The following MAST2 variants were observed in gnomAD, a reference collection of about 807,000 sequenced individuals.
MAST2 encodes microtubule associated serine/threonine kinase 2, also known as microtubule-associated serine/threonine-protein kinase 2.
MAST2 carries 70 observed loss-of-function variants against 147.4 expected under a neutral mutation model. That is an observed-to-expected ratio of 0.47 (90% CI 0.39 to 0.58). The LOEUF (loss-of-function observed/expected upper bound fraction) is 0.58, where lower values mean the gene tolerates loss of function less well. MAST2 is among the 20% of genes least tolerant of loss of function. MAST2 has a pLI of 0.00. For synonymous variants in MAST2, 869 were observed against 896.8 expected, an observed-to-expected ratio of 0.97 and a Z score of 0.55; for missense variants, 2,080 against 2,302.3, an observed-to-expected ratio of 0.90 and a Z score of 1.98.
At chr1:45,961,479 A>T (rs969466701) in intron 5 of MAST2, among the ~76,000 whole-genome samples, 2 of 152,214 alleles carry the variant, frequency 1.3e-5, no homozygotes, top group Admixed American at 1.3e-4. Flanking sequence ...TTTAGAACTA[A>T]ATCTTCCTAC....
chr1:45,934,027 A>G (rs1485458372), intron 4 of MAST2, among the ~76,000 whole-genome samples: 1 of 152,076 alleles, frequency 6.6e-6, no homozygotes, highest in Non-Finnish European at 1.5e-5. Context: ...CATGTAATGA[A>G]CGTAGTGCCC....
chr1:45,915,082 C>CA (rs1652263257), intron 4 of MAST2, among the ~76,000 whole-genome samples: 1 of 152,116 alleles, frequency 6.6e-6, no homozygotes, highest in Admixed American at 6.5e-5. Flanking sequence ...AGGCATGCAC[C>CA]ACCAAGCCTG....
rs78509164 is a variant in MAST2 at position 45,856,140 on chromosome 1, A to C, written c.469-26224A>C. Among the ~76,000 whole-genome samples, 444 of 152,296 alleles carry C rather than the reference A, an allele frequency of 2.9e-3. 2 individuals are homozygous for C. Among genetic ancestry groups the C allele is most frequent in the East Asian group, 0.02 (105 of 5,182 alleles). ...TTGAAGAAGACAGTTCTGAAGATACAGGGCTTGGTACACAGCAAACTTGTA... is the reference window on the plus strand; with the variant it reads ...TTGAAGAAGACAGTTCTGAAGATACCGGGCTTGGTACACAGCAAACTTGTA... On this transcript the variant is annotated intron_variant, in intron 3 of 28. Transcript: ENST00000361297.
chr1:45,869,731 AAC>A (rs1479412540), intron 3 of MAST2, among the ~76,000 whole-genome samples: 3 of 152,250 alleles, frequency 2.0e-5, no homozygotes, highest in Admixed American at 6.5e-5. Flanking sequence ...TACAAAAAAT[AAC>A]AGTGTCTTTT....
At chr1:45,828,313 G>A (rs1644853076) in intron 2 of MAST2, among the ~76,000 whole-genome samples, 1 of 152,118 alleles carries the variant, frequency 6.6e-6, no homozygotes, top group Admixed American at 6.6e-5. Context: ...ATTTTACCAG[G>A]CACAGAAAGG....
intron 3 of MAST2, among the ~76,000 whole-genome samples, chr1:45,853,664 T>C (rs1393869525): frequency 1.3e-5 from 2 of 152,188 alleles, no homozygotes; most frequent in Non-Finnish European, 2.9e-5. Context: ...TAAAATTGTT[T>C]TTCTGTTTCT....
intron 8 of MAST2, 165 bp downstream of exon 8, chr1:46,006,560 G>A: frequency 4.2e-6 from 2 of 475,256 alleles, no homozygotes; most frequent in Non-Finnish European, 6.8e-6. Context: ...GTTGTAGTAT[G>A]AAAGTATCCA....
intron 9 of MAST2, among the ~76,000 whole-genome samples, chr1:46,009,195 CA>C (rs1185350814): frequency 6.6e-6 from 1 of 152,200 alleles, no homozygotes; most frequent in Non-Finnish European, 1.5e-5. Flanking sequence ...GCTGGGACTA[CA>C]GGCATGCGCC....
At chr1:45,923,552 C>T (rs1350216012) in intron 4 of MAST2, among the ~76,000 whole-genome samples, 2 of 152,058 alleles carry the variant, frequency 1.3e-5, no homozygotes, top group Non-Finnish European at 2.9e-5. Flanking sequence ...ACACAGGAAG[C>T]GAGGGTGCAG....
chr1:45,974,761 T>A (rs1644065790), intron 5 of MAST2, among the ~76,000 whole-genome samples: 1 of 152,218 alleles, frequency 6.6e-6, no homozygotes, highest in Non-Finnish European at 1.5e-5. Flanking sequence ...TTAGTGATCA[T>A]ACACATAAAG....
intron 4 of MAST2, among the ~76,000 whole-genome samples, chr1:45,920,022 T>C (rs548907301): frequency 1.9e-4 from 29 of 152,274 alleles, no homozygotes; most frequent in African/African-American, 7.0e-4. Flanking sequence ...CTTTCAGGCT[T>C]TGTTTGGTGA....
chr1:46,024,217 A>ACGGC, intron 15 of MAST2: 1 of 511,456 alleles, frequency 2.0e-6, no homozygotes. Flanking sequence ...CAGCAGCTAT[A>ACGGC]GAATCTTGCA....
chr1:45,970,356 AG>A (rs1445504011), intron 5 of MAST2, among the ~76,000 whole-genome samples: 2 of 152,000 alleles, frequency 1.3e-5, no homozygotes, highest in Admixed American at 1.3e-4. Flanking sequence ...GTTGCTATGG[AG>A]GTTTCTGCTT....
chr1:45,928,630 G>C (rs1464085812), intron 4 of MAST2, among the ~76,000 whole-genome samples: 1 of 148,890 alleles, frequency 6.7e-6, no homozygotes, highest in Non-Finnish European at 1.5e-5. Flanking sequence ...TGCCCAGGCT[G>C]GAGTGCAGTG....
chr1:45,913,788 C>A, intron 4 of MAST2: 1 of 1,128,564 alleles, frequency 8.9e-7, no homozygotes, highest in African/African-American at 1.7e-5. Flanking sequence ...GAACTTCCTA[C>A]CAAGACTCCA....
chr1:45,928,603 ACAGAGT>A (rs1279057809), intron 4 of MAST2, among the ~76,000 whole-genome samples: 1 of 147,964 alleles, frequency 6.8e-6, no homozygotes, highest in African/African-American at 2.5e-5. Context: ...TCCTTTTGAG[ACAGAGT>A]CTCTCTCTAT....
rs869216588 is a variant in MAST2, at chr1:45,994,274, CTT to C, written c.593-3426_593-3425del. On this transcript the variant is annotated intron_variant, in intron 5 of 28. Coordinates refer to ENST00000361297, the MANE Select transcript of MAST2 (RefSeq NM_015112.3). ...GCAAGTGGCTCAAAGCCCTAACCCT[CTT>C]TTTTTTTTTTTTTTTTTTTTTTTGA... 5.5e-3 allele frequency among the ~76,000 whole-genome samples: 340 copies of C among 62,008 alleles called. 2 individuals are homozygous for C. Among genetic ancestry groups the C allele is most frequent in the African/African-American group, 0.017 (248 of 14,226 alleles). 40.7% of individuals were successfully genotyped at this position (62,008 alleles called of 152,430 possible).
intron 5 of MAST2, among the ~76,000 whole-genome samples, chr1:45,987,681 G>T (rs1043212441): frequency 7.0e-6 from 1 of 143,412 alleles, no homozygotes; most frequent in African/African-American, 2.6e-5. Flanking sequence ...TTCTACTTTG[G>T]TCTTTATGAT....
intron 3 of MAST2, among the ~76,000 whole-genome samples, chr1:45,881,667 C>T (rs532142143): frequency 1.4e-4 from 21 of 152,206 alleles, no homozygotes; most frequent in Admixed American, 1.0e-3. Flanking sequence ...TTATCACCCA[C>T]TGCCCCTAAT....
Sources: gnomAD v4.1 joint callset for allele counts (sites outside exome capture counted in the v4.1 genomes callset) on GRCh38, gnomAD v4.1.1 for gene constraint, MANE v1.5 for transcripts, NCBI Gene and HGNC (gene_info 2026-07-23, HGNC 2026-07-21) for gene names.